Variants in GLIS3 observed in about 807,000 individuals in gnomAD.
The protein encoded by GLIS3 is GLIS family zinc finger 3.
A neutral mutation model predicts 78.6 loss-of-function variants in GLIS3; 53 were observed. The ratio of observed to expected loss-of-function variants is 0.67; its 90% CI spans 0.54 to 0.85. The LOEUF (loss-of-function observed/expected upper bound fraction) is 0.85. Among genes scored for constraint, GLIS3 ranks in the 40% least tolerant of loss-of-function variants. The pLI is 0.00. For synonymous variants in GLIS3, 684 were observed against 509.9 expected (o/e 1.34, Z -4.60); for missense variants, 1,703 against 1,231.1 (o/e 1.38, Z -5.74).
intron 9 of GLIS3, among the ~76,000 whole-genome samples, chr9:3,836,893 C>A (rs1198419277): frequency 1.3e-5 from 2 of 152,190 alleles, no homozygotes; most frequent in South Asian, 4.1e-4. Flanking sequence ...TGTTAAAGGA[C>A]AATCTCAGCA....
Position 3,825,725 on chromosome 9 carries a change from G to GT in GLIS3, c.*2546dup, listed in dbSNP as rs1316575559. The GT allele has an allele frequency of 2.6e-5, 4 of 152,230 alleles. No individual in the cohort carries two copies. Among genetic ancestry groups the GT allele is most frequent in the African/African-American group, 7.2e-5 (3 of 41,452 alleles). 9.4% of individuals were successfully genotyped at this position (152,230 alleles called of 1,614,324 possible). ...GGAAAGACTCTCGAATCTAAGCATA[G>GT]TGTGTGTAGTCTGGAAGGCATCTGA... On this transcript the variant is annotated 3_prime_UTR_variant, in exon 11 of 11. Transcript: ENST00000381971.
intron 2 of GLIS3, among the ~76,000 whole-genome samples, chr9:4,167,890 C>T (rs79855760): frequency 0.019 from 2,867 of 152,244 alleles, 99 homozygotes; most frequent in African/African-American, 0.066. Context: ...GTGCCACTTT[C>T]GGTCTGATTA....
intron 2 of GLIS3, among the ~76,000 whole-genome samples, chr9:4,181,619 C>G (rs770437216): frequency 2.0e-5 from 3 of 152,248 alleles, no homozygotes; most frequent in Non-Finnish European, 2.9e-5. Context: ...CATGCACATG[C>G]AAGTGACTTT....
At chr9:3,899,055 C>A (rs1286108967) in intron 6 of GLIS3, 80 of 600,168 alleles carry the variant, frequency 1.3e-4, no homozygotes, top group Non-Finnish European at 8.9e-6. Context: ...TGGCTAGAGG[C>A]GGATTTGACT....
chr9:4,307,735 C>G (rs1403273297), intron 4 of GLIS3, among the ~76,000 whole-genome samples: 2 of 152,090 alleles, frequency 1.3e-5, no homozygotes, highest in Non-Finnish European at 2.9e-5. Flanking sequence ...CATAGAGAAA[C>G]TATGTTACCA....
chr9:4,175,202 A>T lies in GLIS3; in HGVS notation c.389-49261T>A, dbSNP rs141783379. On this transcript the variant is annotated intron_variant, in intron 2 of 10. Transcript: ENST00000381971. ...TCCTCCATTAGAACCTCATACTCTC[A>T]GCCCCAAGCCTCTTTATTAAAAGCA... Among the ~76,000 whole-genome samples the T allele has an allele frequency of 3.9e-5, 6 of 152,340 alleles. No individual in the cohort carries two copies. In the East Asian group the frequency reaches 1.2e-3, roughly 29 times the overall value.
chr9:3,932,493 A>AG, intron 5 of GLIS3, 23 bp from the exon 6 acceptor site: 2 of 1,532,928 alleles, frequency 1.3e-6, no homozygotes, highest in Non-Finnish European at 1.8e-6. Flanking sequence ...GAAAGAAAGA[A>AG]ACAGCTGTGG....
chr9:4,196,299 A>ATCAGCTCTCTGTAAAATGGACCAG (rs1818839045), intron 2 of GLIS3, among the ~76,000 whole-genome samples: 1 of 152,242 alleles, frequency 6.6e-6, no homozygotes, highest in African/African-American at 2.4e-5. Flanking sequence ...AAATGGACCA[A>ATCAGCTCTCTGTAAAATGGACCAG]TCAGCTCTCT....
At chr9:4,452,065 C>G in the GLIS3 span, among the ~76,000 whole-genome samples, 1 of 151,532 alleles carries the variant, frequency 6.6e-6, no homozygotes, top group East Asian at 2.0e-4. Flanking sequence ...GAATCAATGA[C>G]AAAAACGACA....
chr9:4,044,257 AT>A (rs1825068224), intron 4 of GLIS3, among the ~76,000 whole-genome samples: 1 of 152,214 alleles, frequency 6.6e-6, no homozygotes, highest in African/African-American at 2.4e-5. Context: ...GACACTCTCC[AT>A]CCCCTAGTGC....
chr9:4,138,515 T>C (rs1381845202), intron 2 of GLIS3, among the ~76,000 whole-genome samples: 1 of 152,142 alleles, frequency 6.6e-6, no homozygotes, highest in East Asian at 1.9e-4. Context: ...TCTGAGCCTT[T>C]TAATGGCAGG....
At chr9:4,344,984 A>C (rs1406549795) in intron 2 of GLIS3, among the ~76,000 whole-genome samples, 1 of 152,222 alleles carries the variant, frequency 6.6e-6, no homozygotes, top group Non-Finnish European at 1.5e-5. Flanking sequence ...TTATGGCATT[A>C]GTTACCTGGC....
chr9:3,855,711 GCTGT>G (rs1009340324), intron 9 of GLIS3: 3 of 395,170 alleles, frequency 7.6e-6, no homozygotes, highest in African/African-American at 4.1e-5. Flanking sequence ...TTCTCCATGG[GCTGT>G]CTATTGTTTA....
At chr9:4,139,865 C>CT (rs1833678160) in intron 2 of GLIS3, among the ~76,000 whole-genome samples, 1 of 152,202 alleles carries the variant, frequency 6.6e-6, no homozygotes, top group Non-Finnish European at 1.5e-5. Flanking sequence ...ATGCCCACTG[C>CT]TCACCTGCTG....
intron 4 of GLIS3, among the ~76,000 whole-genome samples, chr9:3,952,918 C>A (rs1816799450): frequency 6.6e-6 from 1 of 152,138 alleles, no homozygotes; most frequent in Non-Finnish European, 1.5e-5. Context: ...GGGGAGCTAA[C>A]TGATAATCCC....
chr9:3,908,702 A>ATTTGT (rs1554644770), intron 6 of GLIS3, among the ~76,000 whole-genome samples: 18 of 29,080 alleles, frequency 6.2e-4, no homozygotes, highest in African/African-American at 2.5e-3. Flanking sequence ...TGTGATTTGT[A>ATTTGT]TTTGTTTTTT....
chr9:4,451,897 G>T, the GLIS3 span, among the ~76,000 whole-genome samples: 1 of 151,420 alleles, frequency 6.6e-6, no homozygotes, highest in African/African-American at 2.5e-5. Context: ...AGAGAAAGCA[G>T]GAAAGACCTA....
At chr9:4,340,549 G>T (rs774841818) in intron 2 of GLIS3, among the ~76,000 whole-genome samples, 28 of 152,244 alleles carry the variant, frequency 1.8e-4, no homozygotes, top group Middle Eastern at 3.4e-3. Context: ...AAGCTTCTGT[G>T]TATTTGTGGT....
In GLIS3 at chr9:4,118,798, C is replaced by T. The variant is rs1831956088; in HGVS notation, c.680G>A (p.Trp227Ter). The stretch of plus-strand genomic sequence containing the variant: ...AGGGAGGGCCCTGTAGCCCTGGGAC[C>T]ACTCCTGCTTCATGCTTGAGGCCGA... ...SQSASSMKQE[W>*]SQGYRALPSL... The change falls in exon 4 of 11, where the codon TGG (tryptophan) becomes TAG (stop). Residue 227 changes from tryptophan (W) to a stop codon, truncating the protein, a stop_gained. Transcript: ENST00000381971. LOFTEE classifies it high-confidence loss of function. The surrounding 1 kb of genome is among the most constrained non-coding windows in gnomAD (Gnocchi z 4.7). The T allele has an allele frequency of 1.2e-6, 2 of 1,610,910 alleles. No homozygotes were observed. The highest frequency in any genetic ancestry group is 1.7e-6 in the Non-Finnish European group (2 of 1,179,988).
Sources: allele counts gnomAD v4.1 joint callset (sites outside exome capture counted in the v4.1 genomes callset), GRCh38; gene constraint gnomAD v4.1.1; non-coding constraint Gnocchi (gnomAD v3.1); transcripts MANE v1.5; gene names NCBI Gene and HGNC (gene_info 2026-07-23, HGNC 2026-07-21).